Variants in COL22A1 observed in about 807,000 individuals in gnomAD.
COL22A1 encodes collagen type XXII alpha 1 chain, also known as collagen alpha-1(XXII) chain.
COL22A1 carries 221 observed loss-of-function variants against 248.9 expected under a neutral mutation model. That is an observed-to-expected ratio of 0.89 (90% CI 0.80 to 0.99). The LOEUF (loss-of-function observed/expected upper bound fraction) is 0.99, where lower values mean the gene tolerates loss of function less well. Among genes scored for constraint, COL22A1 ranks in the 50% least tolerant of loss-of-function variants. COL22A1 has a pLI of 0.00. For synonymous variants in COL22A1, 891 were observed against 793.4 expected, an observed-to-expected ratio of 1.12 and a Z score of -2.07; for missense variants, 2,240 against 2,179.0, an observed-to-expected ratio of 1.03 and a Z score of -0.56.
intron 53 of COL22A1, among the ~76,000 whole-genome samples, chr8:138,618,942 A>G (rs1335883429): frequency 4.6e-5 from 7 of 152,180 alleles, no homozygotes; most frequent in Non-Finnish European, 8.8e-5. Flanking sequence ...CATATATAGA[A>G]AAAAGGACTA....
At chr8:138,660,979 C>CACACAG (rs376227225) in intron 43 of COL22A1, among the ~76,000 whole-genome samples, 86,143 of 137,302 alleles carry the variant, frequency 0.63, 29,068 homozygotes, top group Non-Finnish European at 0.76. Context: ...CACACATACA[C>CACACAG]ACACACATAC....
chr8:138,756,359 G>T (rs935253726), intron 18 of COL22A1, among the ~76,000 whole-genome samples: 6 of 152,050 alleles, frequency 3.9e-5, no homozygotes, highest in African/African-American at 1.4e-4. Context: ...TTTGTCTCCT[G>T]CCTCCTCCTC....
At chr8:138,648,901 T>C (rs1281737299) in intron 46 of COL22A1, among the ~76,000 whole-genome samples, 1 of 152,230 alleles carries the variant, frequency 6.6e-6, no homozygotes, top group Non-Finnish European at 1.5e-5. Context: ...ATGTCTGTAA[T>C]GGACTTTATC....
chr8:138,700,254 C>T, intron 31 of COL22A1, 110 bp from the exon 32 acceptor site: 2 of 929,446 alleles, frequency 2.2e-6, no homozygotes, highest in Non-Finnish European at 1.7e-6. Flanking sequence ...AGCCCCAAAG[C>T]TTCCTGGAAC....
chr8:138,775,928 G>C (rs767535950), intron 16 of COL22A1, 38 bp downstream of exon 16: 3 of 1,602,968 alleles, frequency 1.9e-6, no homozygotes, highest in Non-Finnish European at 2.6e-6. Flanking sequence ...CTTTTCTATG[G>C]AAAGCCGTAT....
At chr8:138,780,817 C>A in intron 13 of COL22A1, 110 bp downstream of exon 13, 1 of 883,218 alleles carries the variant, frequency 1.1e-6, no homozygotes, top group South Asian at 1.3e-5. Flanking sequence ...TACGTCCCCA[C>A]TCAAGTCTGG....
chr8:138,778,703 T>A (rs1035988374), intron 14 of COL22A1, among the ~76,000 whole-genome samples: 27 of 152,244 alleles, frequency 1.8e-4, no homozygotes, highest in African/African-American at 6.5e-4. Flanking sequence ...GGAGGCCAGA[T>A]GCTACTATTC....
At position 138,664,206 on chromosome 8, in the gene COL22A1, C is replaced by CGT. The variant is rs1331999262; in HGVS notation, c.3151-467_3151-466insAC. ...CTCCAACAAGGGGTGCGCGCGCGCGCGCGCACACACACACACACACACACA... is the reference window on the plus strand; with the variant it reads ...CTCCAACAAGGGGTGCGCGCGCGCGCGTGCGCACACACACACACACACACACA... On this transcript the variant is annotated intron_variant, in intron 41 of 64. Coordinates refer to ENST00000303045, the MANE Select transcript of COL22A1 (RefSeq NM_152888.3). Among the ~76,000 whole-genome samples the CGT allele has an allele frequency of 7.1e-4, 59 of 83,610 alleles. 1 individual carries two copies. The highest frequency in any genetic ancestry group is 1.6e-3 in the African/African-American group (39 of 24,204). 54.9% of individuals were successfully genotyped at this position (83,610 alleles called of 152,430 possible).
chr8:138,783,328 AAC>A (rs1343609973), intron 12 of COL22A1, among the ~76,000 whole-genome samples: 1 of 152,100 alleles, frequency 6.6e-6, no homozygotes, highest in East Asian at 1.9e-4. Flanking sequence ...TTTATTAACT[AAC>A]AACAAGATCA....
At chr8:138,764,626 A>T (rs1348294271) in intron 16 of COL22A1, among the ~76,000 whole-genome samples, 1 of 152,258 alleles carries the variant, frequency 6.6e-6, no homozygotes, top group Non-Finnish European at 1.5e-5. Flanking sequence ...ATTCCAGAAC[A>T]TTGATGTACA....
intron 46 of COL22A1, among the ~76,000 whole-genome samples, chr8:138,648,052 C>T (rs1405747814): frequency 3.3e-5 from 5 of 152,212 alleles, no homozygotes; most frequent in African/African-American, 1.2e-4. Flanking sequence ...TACATTCAAA[C>T]ATGTTTATTT....
At chr8:138,901,508 A>C (rs1016650967) in intron 1 of COL22A1, among the ~76,000 whole-genome samples, 1 of 151,848 alleles carries the variant, frequency 6.6e-6, no homozygotes. Context: ...CTGAGACTAC[A>C]GGTACATACC....
At chr8:138,844,510 G>A (rs1821095186) in intron 3 of COL22A1, among the ~76,000 whole-genome samples, 1 of 152,162 alleles carries the variant, frequency 6.6e-6, no homozygotes, top group Non-Finnish European at 1.5e-5. Context: ...TGCTGCTGGG[G>A]GGTTCAGGAC....
chr8:138,661,972 G>A, intron 43 of COL22A1, 58 bp downstream of exon 43: 1 of 1,378,924 alleles, frequency 7.3e-7, no homozygotes, highest in Non-Finnish European at 1.0e-6. Context: ...GTGGAGGGCG[G>A]GCTTTCAGGG....
chr8:138,696,699 T>G (rs182332118), intron 32 of COL22A1, among the ~76,000 whole-genome samples: 94 of 152,326 alleles, frequency 6.2e-4, no homozygotes, highest in Non-Finnish European at 1.1e-3. Flanking sequence ...CGTACAGCTG[T>G]GACCTGGATT....
At chr8:138,821,528 C>T (rs1819131962) in intron 6 of COL22A1, 117 bp from the exon 7 acceptor site, 1 of 1,035,760 alleles carries the variant, frequency 9.7e-7, no homozygotes, top group South Asian at 1.5e-5. Context: ...CTGGCTGTGA[C>T]TCTTACCAGC....
At chr8:138,727,533 G>A (rs1437049866) in intron 23 of COL22A1, among the ~76,000 whole-genome samples, 1 of 152,204 alleles carries the variant, frequency 6.6e-6, no homozygotes. Flanking sequence ...TTTGCATTCA[G>A]AAAGAACAAC....
chr8:138,846,246 G>A (rs117845103), intron 3 of COL22A1, among the ~76,000 whole-genome samples: 1 of 152,270 alleles, frequency 6.6e-6, no homozygotes, highest in East Asian at 1.9e-4. Context: ...AGAGAGACAG[G>A]CTGGGAATTG....
chr8:138,762,004 G>A (rs563901390), intron 17 of COL22A1, among the ~76,000 whole-genome samples: 1 of 152,230 alleles, frequency 6.6e-6, no homozygotes, highest in South Asian at 2.1e-4. Context: ...AATGTCCTCA[G>A]CCTCATAGCA....
Sources: gnomAD v4.1 joint callset for allele counts (sites outside exome capture counted in the v4.1 genomes callset) on GRCh38, gnomAD v4.1.1 for gene constraint, MANE v1.5 for transcripts, NCBI Gene and HGNC (gene_info 2026-07-23, HGNC 2026-07-21) for gene names.